The following MBNL2 variants were observed in gnomAD, a reference collection of about 807,000 sequenced individuals.
MBNL2 encodes muscleblind like splicing regulator 2.
In MBNL2, 17 loss-of-function variants were observed where a neutral mutation model predicts 41.9. The observed-to-expected ratio is 0.41, with a 90% CI of 0.28 to 0.61. MBNL2 has a LOEUF of 0.61. Among genes scored for constraint, MBNL2 ranks in the 20% least tolerant of loss-of-function variants. The probability of loss-of-function intolerance (pLI) is 0.35; values close to 1 mark genes in which losing one functional copy is unlikely to be tolerated. For synonymous variants in MBNL2, 195 were observed against 182.9 expected, an observed-to-expected ratio of 1.07 and a Z score of -0.53; for missense variants, 336 against 505.6, an observed-to-expected ratio of 0.66 and a Z score of 3.22.
chr13:97,379,524 G>A (rs989591330), intron 8 of MBNL2, among the ~76,000 whole-genome samples: 4 of 152,166 alleles, frequency 2.6e-5, no homozygotes, highest in Non-Finnish European at 5.9e-5. Context: ...GCAGCCTGCA[G>A]GAGCGACTGT....
At chr13:97,244,151 A>G (rs901744897) in intron 1 of MBNL2, among the ~76,000 whole-genome samples, 7 of 152,254 alleles carry the variant, frequency 4.6e-5, no homozygotes, top group African/African-American at 7.2e-5. Flanking sequence ...GGATTAGGTC[A>G]TAGACATGCT....
intron 2 of MBNL2, among the ~76,000 whole-genome samples, chr13:97,298,275 C>T (rs1392341144): frequency 6.6e-6 from 1 of 152,114 alleles, no homozygotes; most frequent in African/African-American, 2.4e-5. Context: ...ACTTCTGGAG[C>T]CATCTTTGGC....
At chr13:97,304,048 A>C (rs2057894040) in intron 2 of MBNL2, among the ~76,000 whole-genome samples, 1 of 152,224 alleles carries the variant, frequency 6.6e-6, no homozygotes, top group Non-Finnish European at 1.5e-5. Flanking sequence ...GCCCACTTTC[A>C]GGAAGTAACT....
intron 8 of MBNL2, among the ~76,000 whole-genome samples, chr13:97,377,661 A>AGAGG (rs1171198333): frequency 1.3e-5 from 2 of 152,234 alleles, no homozygotes; most frequent in Non-Finnish European, 2.9e-5. Context: ...GCTTTAGCTT[A>AGAGG]GAGGATTTAG....
intron 5 of MBNL2, among the ~76,000 whole-genome samples, chr13:97,354,982 C>CA (rs1338908151): frequency 6.6e-6 from 1 of 151,928 alleles, no homozygotes; most frequent in Non-Finnish European, 1.5e-5. Context: ...AATTGAAGCT[C>CA]AAAAAACAAA....
At chr13:97,262,602 C>T (rs948418764) in intron 1 of MBNL2, among the ~76,000 whole-genome samples, 1 of 152,132 alleles carries the variant, frequency 6.6e-6, no homozygotes, top group Non-Finnish European at 1.5e-5. Flanking sequence ...TTTTGCCATT[C>T]CATGGTTTTA....
At chr13:97,316,364 C>T (rs2059054984) in intron 2 of MBNL2, among the ~76,000 whole-genome samples, 1 of 152,212 alleles carries the variant, frequency 6.6e-6, no homozygotes, top group East Asian at 1.9e-4. Flanking sequence ...TCGGTCCATT[C>T]TCACACAGTA....
At chr13:97,256,559 A>T (rs564946194) in intron 1 of MBNL2, among the ~76,000 whole-genome samples, 2 of 152,320 alleles carry the variant, frequency 1.3e-5, no homozygotes, top group African/African-American at 4.8e-5. Context: ...GCTGCAGGTT[A>T]TCAGAGTGGC....
rs555998225 is a variant in MBNL2 at position 97,347,076 on chromosome 13, G to A, written c.804+9G>A. The A allele has an allele frequency of 2.3e-5, 35 of 1,538,898 alleles. No homozygotes were observed. The highest frequency in any genetic ancestry group is 6.0e-5 in the South Asian group (5 of 82,780). On this transcript the variant is annotated intron_variant, in intron 5 of 8. Coordinates refer to ENST00000679496, the MANE Select transcript of MBNL2 (RefSeq NM_001382683.1). ...CCGCGGCCACAGTCATGGTAAGTGC[G>A]GCCGCCCGCCGCCCCTGCACCCCGG...
the MBNL2 span, among the ~76,000 whole-genome samples, chr13:97,165,681 G>T: frequency 6.6e-6 from 1 of 152,320 alleles, no homozygotes; most frequent in Non-Finnish European, 1.5e-5. Context: ...TCAAACATCT[G>T]AGTCTTAGCG....
chr13:97,160,940 CAAGACTA>C, the MBNL2 span, among the ~76,000 whole-genome samples: 6 of 152,162 alleles, frequency 3.9e-5, no homozygotes, highest in African/African-American at 1.4e-4. Context: ...AAGTTCTGTC[CAAGACTA>C]AAGATGGAAT....
At chr13:97,210,990 G>C in the MBNL2 span, among the ~76,000 whole-genome samples, 1 of 151,898 alleles carries the variant, frequency 6.6e-6, no homozygotes, top group Non-Finnish European at 1.5e-5. Context: ...GGGTAGCAGG[G>C]AGAGGAAGGC....
intron 2 of MBNL2, among the ~76,000 whole-genome samples, chr13:97,309,769 C>A (rs957805362): frequency 6.6e-6 from 1 of 152,186 alleles, no homozygotes; most frequent in Non-Finnish European, 1.5e-5. Context: ...GCGAGAGATG[C>A]TTGAGCATGG....
intron 2 of MBNL2, among the ~76,000 whole-genome samples, chr13:97,311,797 C>T (rs1047916971): frequency 6.6e-6 from 1 of 152,112 alleles, no homozygotes; most frequent in Non-Finnish European, 1.5e-5. Flanking sequence ...GGGTTAACGT[C>T]CAACAGTCCT....
chr13:97,185,580 C>T, the MBNL2 span, among the ~76,000 whole-genome samples: 51 of 152,238 alleles, frequency 3.4e-4, no homozygotes, highest in Admixed American at 1.1e-3. Context: ...ACTGTGACCA[C>T]GAAAGCTGAG....
intron 1 of MBNL2, among the ~76,000 whole-genome samples, chr13:97,229,863 T>C (rs543423055): frequency 6.6e-6 from 1 of 152,314 alleles, no homozygotes; most frequent in South Asian, 2.1e-4. Context: ...TTGTAACTAG[T>C]GATGTCACCG....
rs528143530 is a variant in MBNL2 at position 97,284,456 on chromosome 13, G to A, written c.174+8047G>A. On this transcript the variant is annotated intron_variant, in intron 2 of 8. Transcript: ENST00000679496. ...CATCTTCCTGGTGTTTGAGTCTGTC[G>A]TCAAATTTCTCCTTCTTATAAGGAC... Among the ~76,000 whole-genome samples the A allele has an allele frequency of 3.3e-5, 5 of 152,098 alleles. No individual in the cohort carries two copies. The South Asian group carries it at 6.2e-4, about 19-fold the overall frequency.
At chr13:97,337,131 A>C (rs79529354) in intron 3 of MBNL2, among the ~76,000 whole-genome samples, 1 of 152,076 alleles carries the variant, frequency 6.6e-6, no homozygotes, top group East Asian at 1.9e-4. Flanking sequence ...CATGAATGGA[A>C]TCAGTGCCCT....
chr13:97,205,285 G>T, the MBNL2 span, among the ~76,000 whole-genome samples: 10 of 150,246 alleles, frequency 6.7e-5, no homozygotes, highest in African/African-American at 2.0e-4. Context: ...CAGCTACTCA[G>T]AAGGCTGAGG....
Sources: gnomAD v4.1 joint callset for allele counts (sites outside exome capture counted in the v4.1 genomes callset) on GRCh38, gnomAD v4.1.1 for gene constraint, MANE v1.5 for transcripts, NCBI Gene and HGNC (gene_info 2026-07-23, HGNC 2026-07-21) for gene names.